MACROD2: variants seen among roughly 807,000 people sequenced by gnomAD.
MACROD2 encodes the protein mono-ADP ribosylhydrolase 2, also known as ADP-ribose glycohydrolase MACROD2.
Under a neutral mutation model 70.4 loss-of-function variants are expected in MACROD2, and 36 were observed. The ratio of observed to expected loss-of-function variants is 0.51; its 90% CI spans 0.39 to 0.68. MACROD2 has a LOEUF of 0.68. MACROD2 is among the 30% of genes least tolerant of loss of function. The pLI, the probability that MACROD2 is intolerant of heterozygous loss-of-function variation, is 0.00. For synonymous variants in MACROD2, 172 were observed against 178.8 expected (o/e 0.96, Z 0.30); for missense variants, 496 against 538.4 (o/e 0.92, Z 0.78).
At chr20:15,706,490 AG>A in intron 8 of MACROD2, among the ~76,000 whole-genome samples, 1 of 152,376 alleles carries the variant, frequency 6.6e-6, no homozygotes, top group Admixed American at 6.5e-5. Context: ...AGAATTTTCA[AG>A]TGAACAGGCA....
At chr20:14,637,539 C>T (rs993680514) in intron 4 of MACROD2, among the ~76,000 whole-genome samples, 1 of 152,170 alleles carries the variant, frequency 6.6e-6, no homozygotes, top group African/African-American at 2.4e-5. Flanking sequence ...TTTCTGTGTT[C>T]CCTGACACCC....
chr20:15,535,717 G>A (rs914641636), intron 8 of MACROD2, among the ~76,000 whole-genome samples: 8 of 151,960 alleles, frequency 5.3e-5, no homozygotes, highest in East Asian at 2.0e-4. Context: ...TTCCAATCCC[G>A]CGTCTCCCAC....
intron 5 of MACROD2, among the ~76,000 whole-genome samples, chr20:15,226,879 T>TAA (rs1200307851): frequency 2.6e-5 from 4 of 152,072 alleles, no homozygotes; most frequent in Admixed American, 6.5e-5. Context: ...ACTTGATGAC[T>TAA]AAGGGGCTGG....
At chr20:15,361,179 T>A (rs6074881) in intron 6 of MACROD2, among the ~76,000 whole-genome samples, 1 of 152,172 alleles carries the variant, frequency 6.6e-6, no homozygotes, top group Admixed American at 6.5e-5. Context: ...TACTAAAAAT[T>A]TCATAGTTTT....
intron 4 of MACROD2, among the ~76,000 whole-genome samples, chr20:14,614,628 AT>A (rs1156590748): frequency 1.3e-5 from 2 of 152,136 alleles, no homozygotes; most frequent in African/African-American, 4.8e-5. Context: ...CTTGTAACTA[AT>A]GCTCATTAAA....
intron 5 of MACROD2, among the ~76,000 whole-genome samples, chr20:14,708,349 C>T (rs6042874): frequency 6.6e-6 from 1 of 152,042 alleles, no homozygotes; most frequent in Admixed American, 6.5e-5. Context: ...CAGTATAGTT[C>T]GAAAGAAGCC....
At chr20:15,448,535 C>T (rs1221636641) in intron 7 of MACROD2, among the ~76,000 whole-genome samples, 1 of 152,080 alleles carries the variant, frequency 6.6e-6, no homozygotes, top group Admixed American at 6.6e-5. Flanking sequence ...CCCCTGCTCC[C>T]AGCACAGTGT....
chr20:14,273,262 A>C (rs2082214821), intron 3 of MACROD2, among the ~76,000 whole-genome samples: 1 of 152,198 alleles, frequency 6.6e-6, no homozygotes, highest in Admixed American at 6.5e-5. Context: ...CTCCTCAGCA[A>C]ATTTAAAAGA....
At chr20:14,868,668 G>A (rs149567237) in intron 5 of MACROD2, among the ~76,000 whole-genome samples, 1 of 152,088 alleles carries the variant, frequency 6.6e-6, no homozygotes, top group East Asian at 1.9e-4. Context: ...TTCACAAATG[G>A]ATCCTCAGTA....
chr20:16,046,304 C>T (rs1157538302), intron 17 of MACROD2, among the ~76,000 whole-genome samples: 1 of 151,398 alleles, frequency 6.6e-6, no homozygotes, highest in Non-Finnish European at 1.5e-5. Flanking sequence ...AGTATAAGCT[C>T]ATACAAACAT....
intron 8 of MACROD2, among the ~76,000 whole-genome samples, chr20:15,805,814 C>T (rs1358011813): frequency 6.6e-6 from 1 of 152,094 alleles, no homozygotes; most frequent in East Asian, 1.9e-4. Context: ...GATGGAGAAT[C>T]AGTGAGGATT....
rs1358476177 is a variant in MACROD2, at chr20:15,933,260, G to C, written c.776-16G>C. The C allele has an allele frequency of 1.2e-6, 2 of 1,610,472 alleles. No homozygotes were observed. The highest frequency in any genetic ancestry group is 4.5e-5 in the East Asian group (2 of 44,778). On this transcript the variant is annotated splice_polypyrimidine_tract_variant and intron_variant, in intron 10 of 17. Transcript: ENST00000684519. ...TGACTTGATGCATTTTTTTTCCTCT[G>C]TGGTTTTCTTGAAAGATGAGAACGG...
chr20:15,727,963 G>A (rs1300282983), intron 8 of MACROD2, among the ~76,000 whole-genome samples: 2 of 151,792 alleles, frequency 1.3e-5, no homozygotes, highest in Admixed American at 6.6e-5. Flanking sequence ...TCAGTACTAT[G>A]TTGAATAGGG....
intron 6 of MACROD2, among the ~76,000 whole-genome samples, chr20:15,338,684 AG>A (rs1206478594): frequency 6.8e-6 from 1 of 147,772 alleles, no homozygotes; most frequent in Non-Finnish European, 1.5e-5. Flanking sequence ...AAACAGGCCT[AG>A]GGGGGTAAGT....
At chr20:14,765,895 C>A (rs909989243) in intron 5 of MACROD2, among the ~76,000 whole-genome samples, 4 of 152,026 alleles carry the variant, frequency 2.6e-5, no homozygotes, top group African/African-American at 7.3e-5. Flanking sequence ...TGAAAACCTG[C>A]TGTACCACAG....
intron 2 of MACROD2, among the ~76,000 whole-genome samples, chr20:14,080,261 G>A (rs543281002): frequency 2.0e-5 from 3 of 151,856 alleles, no homozygotes; most frequent in South Asian, 2.1e-4. Context: ...GGCTAATATG[G>A]TGAAACCCCA....
chr20:14,485,376 C>A (rs904643413), intron 3 of MACROD2, among the ~76,000 whole-genome samples: 1 of 152,116 alleles, frequency 6.6e-6, no homozygotes, highest in Non-Finnish European at 1.5e-5. Context: ...TTTGTCATAA[C>A]CTCAGAAGCC....
chr20:15,876,465 A>G (rs1371676386), intron 9 of MACROD2, among the ~76,000 whole-genome samples: 1 of 152,148 alleles, frequency 6.6e-6, no homozygotes, highest in African/African-American at 2.4e-5. Flanking sequence ...ATGGCTGCAT[A>G]GTATTCCATG....
chr20:15,686,803 G>A (rs1158330428), intron 8 of MACROD2, among the ~76,000 whole-genome samples: 2 of 150,108 alleles, frequency 1.3e-5, no homozygotes, highest in African/African-American at 4.9e-5. Flanking sequence ...AGCCCAGGAG[G>A]CAGAGATTGC....
Sources: allele counts gnomAD v4.1 joint callset (sites outside exome capture counted in the v4.1 genomes callset), GRCh38; gene constraint gnomAD v4.1.1; transcripts MANE v1.5; gene names NCBI Gene and HGNC (gene_info 2026-07-23, HGNC 2026-07-21).